STYXL1: variants seen among roughly 807,000 people sequenced by gnomAD.
The protein encoded by STYXL1 is serine/threonine/tyrosine interacting like 1, also known as serine/threonine/tyrosine-interacting-like protein 1.
In STYXL1, 32 loss-of-function variants were observed where a neutral mutation model predicts 36.4. The ratio of observed to expected loss-of-function variants is 0.88; its 90% confidence interval spans 0.66 to 1.18. STYXL1 has a LOEUF of 1.18. Among genes scored for constraint, STYXL1 ranks in the 50% most tolerant of loss-of-function variants. The pLI is 0.00. For missense variants in STYXL1, 354 were observed against 394.1 expected, an observed-to-expected ratio of 0.90 and a Z score of 0.86; for synonymous variants, 133 against 144.1, an observed-to-expected ratio of 0.92 and a Z score of 0.55.
At position 76,021,937 on chromosome 7, in the gene STYXL1, C is replaced by T; in HGVS notation, c.221G>A (p.Cys74Tyr). The change falls in exon 4 of 9, where the codon TGC (cysteine) becomes TAC (tyrosine). Residue 74 changes from cysteine to tyrosine, a missense_variant. Transcript: ENST00000359697. ...GCTGCTGTTGTTATCATACACCACGCAGTACTTCACACACTCCAGGTCCAC... is the reference window on the plus strand; with the variant it reads ...GCTGCTGTTGTTATCATACACCACGTAGTACTTCACACACTCCAGGTCCAC... ...ESVDLECVKYCVVYDNNSSTL... is the reference protein window; with the variant it reads ...ESVDLECVKYYVVYDNNSSTL... The T allele has an allele frequency of 6.2e-7, 1 of 1,613,376 alleles. No homozygotes were observed. The highest frequency in any genetic ancestry group is 1.1e-5 in the South Asian group (1 of 91,082).
chr7:76,017,871 A>G (rs1563488682), intron 4 of STYXL1, among the ~76,000 whole-genome samples: 1 of 144,680 alleles, frequency 6.9e-6, no homozygotes, highest in African/African-American at 2.5e-5. Flanking sequence ...CATCTCAAAA[A>G]AAAAAAAAAA....
chr7:76,047,788 C>T lies in STYXL1; in HGVS notation c.-131G>A. On this transcript the variant is annotated 5_prime_UTR_variant, in exon 1 of 9. Coordinates refer to ENST00000359697, the MANE Select transcript of STYXL1 (RefSeq NM_001317785.2). Reference sequence around the variant, plus strand: ...GCGCGACTATGGCCAGGCTCCCTGTCGGAGCCTCTGCCTGGGGCCCCACCT... The same window carrying T: ...GCGCGACTATGGCCAGGCTCCCTGTTGGAGCCTCTGCCTGGGGCCCCACCT... 1.9e-6 allele frequency: 1 copy of T among 538,940 alleles called. No individual in the cohort carries two copies. The highest frequency in any genetic ancestry group is 2.7e-6 in the Non-Finnish European group (1 of 363,996). 33.4% of individuals were successfully genotyped at this position (538,940 alleles called of 1,614,324 possible).
At chr7:76,022,559 G>A (rs1374889242) in intron 3 of STYXL1, among the ~76,000 whole-genome samples, 7 of 152,106 alleles carry the variant, frequency 4.6e-5, no homozygotes, top group Non-Finnish European at 1.5e-5. Context: ...CTACTACTCA[G>A]GAGGCTGAAG....
chr7:76,021,936 G>T lies in STYXL1; in HGVS notation c.222C>A (p.Cys74Ter). The T allele has an allele frequency of 6.2e-7, 1 of 1,613,140 alleles. No individual in the cohort carries two copies. Among genetic ancestry groups the T allele is most frequent in the South Asian group, 1.1e-5 (1 of 91,072 alleles). ...TGCTGCTGTTGTTATCATACACCAC[G>T]CAGTACTTCACACACTCCAGGTCCA... is the stretch of plus-strand genomic sequence containing the variant. ...ESVDLECVKY[C>*]VVYDNNSSTL... The change falls in exon 4 of 9, where the codon TGC becomes TGA. Residue 74 changes from cysteine to a stop codon, truncating the protein, a stop_gained. Transcript: ENST00000359697. LOFTEE classifies it high-confidence loss of function.
intron 7 of STYXL1, among the ~76,000 whole-genome samples, chr7:76,003,013 C>A (rs1192854889): frequency 6.6e-6 from 1 of 152,210 alleles, no homozygotes; most frequent in Non-Finnish European, 1.5e-5. Flanking sequence ...GCTGTTGGTG[C>A]CAGACAGGCA....
rs577766499 is a variant in STYXL1, at chr7:76,038,367, C to T, written c.-4-7840G>A. ...GTCGTCCCAGAAAAACCTCCCTACT[C>T]GTTATGTGACTTCGAGGCTGTCAGG... On this transcript the variant is annotated intron_variant, in intron 1 of 8. Transcript: ENST00000359697. 2.0e-5 allele frequency among the ~76,000 whole-genome samples: 3 copies of T among 148,174 alleles called. No homozygotes were observed. In the South Asian group the frequency reaches 6.7e-4, roughly 33 times the overall value.
At chr7:76,033,268 C>T (rs782420867) in intron 1 of STYXL1, among the ~76,000 whole-genome samples, 1 of 138,982 alleles carries the variant, frequency 7.2e-6, no homozygotes, top group Non-Finnish European at 1.6e-5. Context: ...GCCTCAGCCT[C>T]CTGAGTAGCT....
Position 76,005,655 on chromosome 7 carries a change from C to A in STYXL1, c.454-251G>T, listed in dbSNP as rs572151883. Among the ~76,000 whole-genome samples the A allele has an allele frequency of 1.7e-4, 26 of 152,192 alleles. 1 individual carries two copies. The East Asian group carries it at 2.1e-3, about 12-fold the overall frequency. On this transcript the variant is annotated intron_variant, in intron 5 of 8. Coordinates refer to ENST00000359697, the MANE Select transcript of STYXL1 (RefSeq NM_001317785.2). Reference sequence around the variant, plus strand: ...TCTCAGCACTGGTGTCCATTCCCTCCGTGGCAACTGTTTACACTTGGCCAG... The same window carrying A: ...TCTCAGCACTGGTGTCCATTCCCTCAGTGGCAACTGTTTACACTTGGCCAG...
Position 76,030,882 on chromosome 7 carries a change from C to G in STYXL1, c.-4-355G>C, listed in dbSNP as rs567180079. Among the ~76,000 whole-genome samples the G allele has an allele frequency of 6.9e-5, 10 of 144,356 alleles. No individual in the cohort carries two copies. The South Asian group carries it at 2.2e-3, about 31-fold the overall frequency. The allele number at this position is 144,356 out of a possible 152,430, so 94.7% of individuals were successfully genotyped here. A position where few individuals can be genotyped will look rare whatever the true frequency, so the allele number is the denominator to read the frequency against. On this transcript the variant is annotated intron_variant, in intron 1 of 8. Transcript: ENST00000359697. ...AAAAAAAAAAAAAAAAAAAATTGGC[C>G]AAGAGTGGTGGCTCACACCTGTAAT...
intron 1 of STYXL1, among the ~76,000 whole-genome samples, chr7:76,046,685 C>T (rs1230210324): frequency 5.6e-5 from 8 of 143,580 alleles, no homozygotes; most frequent in South Asian, 4.5e-4. Context: ...CTTTCTCCGT[C>T]GCCCAAGCTG....
intron 5 of STYXL1, among the ~76,000 whole-genome samples, chr7:76,013,413 TTTTTTGTTTG>T (rs1239061799): frequency 5.3e-5 from 8 of 151,574 alleles, no homozygotes; most frequent in African/African-American, 1.9e-4. Context: ...ATCTAGTTTT[TTTTTTGTTTG>T]TTTTTGTTTT....
chr7:76,018,647 T>C (rs542403524), intron 4 of STYXL1, among the ~76,000 whole-genome samples: 3 of 152,168 alleles, frequency 2.0e-5, no homozygotes, highest in Non-Finnish European at 2.9e-5. Context: ...CGCCTTGGCC[T>C]TCCAAAGTGC....
chr7:76,039,241 A>AT (rs1252136437), intron 1 of STYXL1, among the ~76,000 whole-genome samples: 1 of 148,392 alleles, frequency 6.7e-6, no homozygotes, highest in Non-Finnish European at 1.5e-5. Context: ...CGGCCAACTA[A>AT]TTTTTTTTAG....
At chr7:76,005,187 A>T (rs1791511417) in intron 6 of STYXL1, 72 bp downstream of exon 6, 2 of 953,058 alleles carry the variant, frequency 2.1e-6, no homozygotes, top group East Asian at 1.1e-4. Context: ...ATTAAAAAAA[A>T]TAAATAAAAT....
chr7:76,041,861 G>C (rs1395318158), intron 1 of STYXL1, among the ~76,000 whole-genome samples: 7 of 152,202 alleles, frequency 4.6e-5, no homozygotes, highest in Non-Finnish European at 8.8e-5. Flanking sequence ...GCAGATGAAT[G>C]GAAAGGAGCA....
In STYXL1 at chr7:76,030,850, TAAAAAAAAAAAAA is replaced by T. The variant is rs1160725857; in HGVS notation, c.-4-336_-4-324del. Among the ~76,000 whole-genome samples, 4 of 57,084 alleles carry T rather than the reference TAAAAAAAAAAAAA, an allele frequency of 7.0e-5. No individual in the cohort carries two copies. The South Asian group carries it at 2.0e-3, about 28-fold the overall frequency. The allele number at this position is 57,084 out of a possible 152,430, so 37.4% of individuals were successfully genotyped here. A position where few individuals can be genotyped will look rare whatever the true frequency, so the allele number is the denominator to read the frequency against. On this transcript the variant is annotated intron_variant, in intron 1 of 8. Transcript: ENST00000359697. ...AACAATGGCAAGACCCCATCTCTAC[TAAAAAAAAAAAAA>T]AAAAAAAAAAAAATTGGCCAAGAGT...
At position 76,022,633 on chromosome 7, in the gene STYXL1, CCA is replaced by C. The variant is rs1280530470; in HGVS notation, c.166-643_166-642del. 1.1e-4 allele frequency among the ~76,000 whole-genome samples: 16 copies of C among 152,306 alleles called. No homozygotes were observed. The East Asian group carries it at 3.1e-3, about 29-fold the overall frequency. ...TGAGCTGCGATTGTGTCACTGCACT[CCA>C]GTCTGGGTGACAGAGCAAGACCCTG... On this transcript the variant is annotated intron_variant, in intron 3 of 8. Transcript: ENST00000359697.
intron 5 of STYXL1, among the ~76,000 whole-genome samples, chr7:76,007,355 C>T (rs1374826720): frequency 6.6e-6 from 1 of 151,774 alleles, no homozygotes; most frequent in Non-Finnish European, 1.5e-5. Flanking sequence ...GATCCTGGGA[C>T]GTGGAGGTTG....
At chr7:76,018,804 T>A (rs1209478572) in intron 4 of STYXL1, among the ~76,000 whole-genome samples, 1 of 152,232 alleles carries the variant, frequency 6.6e-6, no homozygotes, top group African/African-American at 2.4e-5. Context: ...TTGGCTATTA[T>A]GAATAACACT....
Sources: allele counts gnomAD v4.1 joint callset (sites outside exome capture counted in the v4.1 genomes callset), GRCh38; gene constraint gnomAD v4.1.1; transcripts MANE v1.5; gene names NCBI Gene and HGNC (gene_info 2026-07-23, HGNC 2026-07-21).